PTCHD4: variants seen among roughly 807,000 people sequenced by gnomAD.
PTCHD4 encodes the protein patched domain containing 4.
PTCHD4 carries 33 observed loss-of-function variants against 58.1 expected under a neutral mutation model. The ratio of observed to expected loss-of-function variants is 0.57; its 90% CI spans 0.43 to 0.76. The LOEUF (loss-of-function observed/expected upper bound fraction) is 0.76, where lower values mean the gene tolerates loss of function less well. PTCHD4 is among the 30% of genes least tolerant of loss of function. PTCHD4 has a pLI of 0.00. For synonymous variants in PTCHD4, 478 were observed against 409.6 expected (o/e 1.17, Z -2.02); for missense variants, 1,058 against 1,027.1 (o/e 1.03, Z -0.41).
intron 3 of PTCHD4, among the ~76,000 whole-genome samples, chr6:48,029,856 C>A (rs1763373697): frequency 6.6e-6 from 1 of 152,032 alleles, no homozygotes; most frequent in Admixed American, 6.6e-5. Context: ...CTAAGGTTGA[C>A]TTTATGAAGC....
intron 4 of PTCHD4, among the ~76,000 whole-genome samples, chr6:47,955,375 A>ATTATG (rs1316799167): frequency 2.6e-5 from 4 of 152,230 alleles, no homozygotes; most frequent in Non-Finnish European, 5.9e-5. Flanking sequence ...GATATTGTCA[A>ATTATG]AGGCTCTCGA....
Position 47,879,062 on chromosome 6 carries a change from G to A in PTCHD4, c.1773C>T (p.Phe591=), listed in dbSNP as rs772945876. The A allele has an allele frequency of 1.2e-6, 2 of 1,613,476 alleles. No individual in the cohort carries two copies. The highest frequency in any genetic ancestry group is 2.2e-5 in the South Asian group (2 of 91,084). Residue 591 remains phenylalanine (F), a synonymous_variant, in exon 5 of 5, where the codon TTC becomes TTT. Transcript: ENST00000339488. ...TATTGCTTTCATCCCCTGCCTTGGA[G>A]AAGATGATATCATTTCGAAAATGCT... ...EFQHFRNDII[F]SKAGDESNII... is the part of the protein sequence containing the mutation.
At chr6:47,966,249 C>T (rs989161826) in intron 4 of PTCHD4, among the ~76,000 whole-genome samples, 6 of 152,164 alleles carry the variant, frequency 3.9e-5, no homozygotes, top group African/African-American at 1.4e-4. Flanking sequence ...GTAAGTCACA[C>T]ATTTTTTGCT....
At chr6:48,058,807 G>T (rs914807868) in intron 3 of PTCHD4, among the ~76,000 whole-genome samples, 6 of 152,164 alleles carry the variant, frequency 3.9e-5, no homozygotes, top group Non-Finnish European at 8.8e-5. Flanking sequence ...GCAAAGAGAG[G>T]TCACATTCCG....
Position 47,953,613 on chromosome 6 carries a change from A to G in PTCHD4, c.898+55021T>C, listed in dbSNP as rs555979698. 2.0e-5 allele frequency among the ~76,000 whole-genome samples: 3 copies of G among 152,278 alleles called. No individual in the cohort carries two copies. In the South Asian group the frequency reaches 6.2e-4, roughly 32 times the overall value. ...CAGATTATAAAGAATGGAGCACATAAAATGCATTAATAGAGAAGTAGAATG... is the reference window on the plus strand; with the variant it reads ...CAGATTATAAAGAATGGAGCACATAGAATGCATTAATAGAGAAGTAGAATG... On this transcript the variant is annotated intron_variant, in intron 4 of 4. Coordinates refer to ENST00000339488, the MANE Select transcript of PTCHD4 (RefSeq NM_001384253.1).
intron 4 of PTCHD4, among the ~76,000 whole-genome samples, chr6:48,000,449 T>A (rs535400562): frequency 3.3e-5 from 5 of 152,190 alleles, no homozygotes; most frequent in Admixed American, 6.6e-5. Flanking sequence ...TGTTTACTCA[T>A]TTCTTTTTTT....
At chr6:47,917,595 G>C (rs895926411) in intron 4 of PTCHD4, among the ~76,000 whole-genome samples, 4 of 152,028 alleles carry the variant, frequency 2.6e-5, no homozygotes, top group African/African-American at 9.7e-5. Context: ...ATTCTACTAT[G>C]CATATACTTT....
intron 3 of PTCHD4, among the ~76,000 whole-genome samples, chr6:48,067,887 A>G (rs907797273): frequency 5.3e-5 from 8 of 151,364 alleles, no homozygotes; most frequent in African/African-American, 1.9e-4. Context: ...TAGTCATACC[A>G]TTCATTGCCT....
intron 4 of PTCHD4, among the ~76,000 whole-genome samples, chr6:47,962,274 C>T (rs1767127393): frequency 6.6e-6 from 1 of 152,108 alleles, no homozygotes; most frequent in Non-Finnish European, 1.5e-5. Flanking sequence ...TTAAGGGGAA[C>T]TTTGCTGTGC....
chr6:47,986,835 G>A (rs1768082972), intron 4 of PTCHD4, among the ~76,000 whole-genome samples: 1 of 152,138 alleles, frequency 6.6e-6, no homozygotes, highest in South Asian at 2.1e-4. Context: ...GATATAGTCT[G>A]CTTTGTATCC....
chr6:47,967,950 T>C (rs191569317), intron 4 of PTCHD4, among the ~76,000 whole-genome samples: 4 of 152,272 alleles, frequency 2.6e-5, no homozygotes, highest in Admixed American at 2.6e-4. Context: ...GTCTTGTCAT[T>C]CATGAAGTCA....
At position 47,878,902 on chromosome 6, in the gene PTCHD4, C is replaced by T. The variant is rs755031234; in HGVS notation, c.1933G>A (p.Val645Ile). 1 of 1,613,508 alleles carries T rather than the reference C, an allele frequency of 6.2e-7. No individual in the cohort carries two copies. Among genetic ancestry groups the T allele is most frequent in the Non-Finnish European group, 8.5e-7 (1 of 1,179,744 alleles). ...GACAAGCTGTAATGGTCCATGAAGA[C>T]AAAGGAGGGGTTGAACACGATGAAT... ...IRFIVFNPSF[V>I]FMDHYSLSVT... The change falls in exon 5 of 5, where the codon GTC (valine) becomes ATC (isoleucine). Residue 645 changes from valine to isoleucine, a missense_variant. Coordinates refer to ENST00000339488, the MANE Select transcript of PTCHD4 (RefSeq NM_001384253.1).
chr6:48,077,667 T>C (rs994033493), intron 1 of PTCHD4, among the ~76,000 whole-genome samples: 6 of 152,218 alleles, frequency 3.9e-5, no homozygotes, highest in African/African-American at 1.4e-4. Context: ...GTTCAACTCT[T>C]CCTTTCACAT....
At chr6:47,880,714 G>T (rs1561937246) in intron 4 of PTCHD4, among the ~76,000 whole-genome samples, 2 of 152,092 alleles carry the variant, frequency 1.3e-5, no homozygotes, top group Non-Finnish European at 2.9e-5. Flanking sequence ...CAATGTTTGT[G>T]TCCCTTTTGA....
intron 4 of PTCHD4, among the ~76,000 whole-genome samples, chr6:47,908,832 T>A (rs1480425248): frequency 6.6e-6 from 1 of 152,200 alleles, no homozygotes; most frequent in Non-Finnish European, 1.5e-5. Flanking sequence ...ATATTCATTT[T>A]AATAAAATTC....
intron 4 of PTCHD4, among the ~76,000 whole-genome samples, chr6:47,992,663 T>C (rs1207104582): frequency 1.3e-5 from 2 of 152,208 alleles, no homozygotes; most frequent in Non-Finnish European, 2.9e-5. Context: ...TCTCTGTATA[T>C]ATATATTTAA....
At chr6:47,990,230 C>T (rs1480673023) in intron 4 of PTCHD4, among the ~76,000 whole-genome samples, 7 of 152,206 alleles carry the variant, frequency 4.6e-5, no homozygotes, top group Non-Finnish European at 7.4e-5. Flanking sequence ...GGATCATAGG[C>T]GGAAGGGACT....
At chr6:47,893,241 C>A (rs937505327) in intron 4 of PTCHD4, among the ~76,000 whole-genome samples, 1 of 152,100 alleles carries the variant, frequency 6.6e-6, no homozygotes, top group South Asian at 2.1e-4. Flanking sequence ...TATCTCTTGA[C>A]CTCATGATCT....
Position 47,942,990 on chromosome 6 carries a change from G to T in PTCHD4, c.899-63054C>A, listed in dbSNP as rs528029591. On this transcript the variant is annotated intron_variant, in intron 4 of 4. Coordinates refer to ENST00000339488, the MANE Select transcript of PTCHD4 (RefSeq NM_001384253.1). The stretch of plus-strand genomic sequence containing the variant: ...AACAGCAGTTTGGAACTTTCTTGTG[G>T]CATAACCCCTCCGTATGCAGTTTCA... Among the ~76,000 whole-genome samples the T allele has an allele frequency of 2.0e-5, 3 of 152,242 alleles. No individual in the cohort carries two copies. In the South Asian group the frequency reaches 6.2e-4, roughly 32 times the overall value.
Sources: gnomAD v4.1 joint callset for allele counts (sites outside exome capture counted in the v4.1 genomes callset) on GRCh38, gnomAD v4.1.1 for gene constraint, MANE v1.5 for transcripts, NCBI Gene and HGNC (gene_info 2026-07-23, HGNC 2026-07-21) for gene names.